Variants in NALCN observed in about 807,000 individuals in gnomAD.
The protein encoded by NALCN is sodium leak channel NALCN.
A neutral mutation model predicts 225.3 loss-of-function variants in NALCN; 111 were observed. The ratio of observed to expected loss-of-function variants is 0.49; its 90% CI spans 0.42 to 0.58. The LOEUF is 0.58. NALCN is among the 20% of genes least tolerant of loss of function. The pLI is 0.00. For missense variants in NALCN, 1,378 were observed against 2,202.4 expected (o/e 0.63, Z 7.49); for synonymous variants, 764 against 769.0 (o/e 0.99, Z 0.11).
chr13:101,342,190 A>C (rs558547156), intron 7 of NALCN, among the ~76,000 whole-genome samples: 17 of 152,076 alleles, frequency 1.1e-4, no homozygotes, highest in Non-Finnish European at 2.2e-4. Flanking sequence ...ATGGTTCATA[A>C]CTCTGCATGC....
intron 10 of NALCN, among the ~76,000 whole-genome samples, chr13:101,265,544 C>A (rs2042569176): frequency 6.6e-6 from 1 of 152,162 alleles, no homozygotes; most frequent in South Asian, 2.1e-4. Context: ...ACGGGGAGGG[C>A]TTCTCACGCA....
intron 6 of NALCN, among the ~76,000 whole-genome samples, chr13:101,369,702 TATTG>T (rs1385599887): frequency 4.6e-5 from 7 of 152,294 alleles, no homozygotes; most frequent in African/African-American, 1.7e-4. Flanking sequence ...TTCATCTCCA[TATTG>T]ATTGTCTCCA....
chr13:101,216,199 T>TC (rs1464064520), intron 13 of NALCN, among the ~76,000 whole-genome samples: 1 of 151,962 alleles, frequency 6.6e-6, no homozygotes, highest in Admixed American at 6.6e-5. Flanking sequence ...AAAATACAGC[T>TC]CCATGTACTC....
At chr13:101,312,170 G>T (rs1034688414) in intron 7 of NALCN, among the ~76,000 whole-genome samples, 10 of 152,184 alleles carry the variant, frequency 6.6e-5, no homozygotes, top group Admixed American at 2.6e-4. Context: ...AATATTCTCT[G>T]ATGGTAGTTT....
In NALCN at chr13:101,194,622, G is replaced by C. The variant is rs541828113; in HGVS notation, c.1627-2568C>G. 1.2e-4 allele frequency among the ~76,000 whole-genome samples: 18 copies of C among 152,320 alleles called. No individual in the cohort carries two copies. The South Asian group carries it at 3.7e-3, about 32-fold the overall frequency. Reference sequence around the variant, plus strand: ...GTTACTAAAGGTTTGATGCATTGGGGATTGAGTGGAGTAAGACATAGTTTC... The same window carrying C: ...GTTACTAAAGGTTTGATGCATTGGGCATTGAGTGGAGTAAGACATAGTTTC... On this transcript the variant is annotated intron_variant, in intron 13 of 43. Coordinates refer to ENST00000251127, the MANE Select transcript of NALCN (RefSeq NM_052867.4).
Position 101,346,087 on chromosome 13 carries a change from C to CTCTCTCTCTATA in NALCN, c.645-668_645-667insTATAGAGAGAGA. On this transcript the variant is annotated intron_variant, in intron 6 of 43. Transcript: ENST00000251127. Reference sequence around the variant, plus strand: ...TCTCTCTCTCTCTCTCTCTCTCTCTCTATATATATATATATATATATATAT... The same window carrying CTCTCTCTCTATA: ...TCTCTCTCTCTCTCTCTCTCTCTCTCTCTCTCTCTATATATATATATATATATATATATATAT... 3.8e-3 allele frequency among the ~76,000 whole-genome samples: 272 copies of CTCTCTCTCTATA among 70,924 alleles called. 6 individuals carry two copies. Among genetic ancestry groups the CTCTCTCTCTATA allele is most frequent in the East Asian group, 0.03 (72 of 2,370 alleles). The allele number at this position is 70,924 out of a possible 152,430, so 46.5% of individuals were successfully genotyped here.
intron 14 of NALCN, among the ~76,000 whole-genome samples, chr13:101,178,468 T>C (rs2039055346): frequency 6.6e-6 from 1 of 152,170 alleles, no homozygotes; most frequent in East Asian, 1.9e-4. Flanking sequence ...TATAAATACT[T>C]TTAAGAGCCA....
intron 13 of NALCN, among the ~76,000 whole-genome samples, chr13:101,197,039 C>G (rs1029097722): frequency 6.6e-6 from 1 of 152,002 alleles, no homozygotes. Context: ...ACTCTCAAGC[C>G]TCCTCAGCTG....
At chr13:101,167,475 G>A (rs2038493743) in intron 15 of NALCN, among the ~76,000 whole-genome samples, 2 of 152,100 alleles carry the variant, frequency 1.3e-5, no homozygotes, top group Non-Finnish European at 2.9e-5. Flanking sequence ...AGTGTTTCTG[G>A]ATATAATTCC....
At chr13:101,216,969 T>C (rs1006971667) in intron 13 of NALCN, among the ~76,000 whole-genome samples, 23 of 152,152 alleles carry the variant, frequency 1.5e-4, no homozygotes, top group African/African-American at 3.9e-4. Context: ...TAGAGGATAA[T>C]ATATTACTTA....
intron 6 of NALCN, among the ~76,000 whole-genome samples, chr13:101,360,524 T>A (rs1299847667): frequency 1.3e-5 from 2 of 152,102 alleles, no homozygotes; most frequent in African/African-American, 4.8e-5. Flanking sequence ...TGAGCCACCG[T>A]GCCCTGCCAG....
At chr13:101,235,778 TG>T (rs2041532180) in intron 12 of NALCN, among the ~76,000 whole-genome samples, 2 of 152,180 alleles carry the variant, frequency 1.3e-5, no homozygotes. Flanking sequence ...GCTTTTTGCC[TG>T]GGTTTGTAGG....
chr13:101,318,667 A>AT (rs1282674426), intron 7 of NALCN, among the ~76,000 whole-genome samples: 1 of 152,210 alleles, frequency 6.6e-6, no homozygotes, highest in Non-Finnish European at 1.5e-5. Context: ...AGAGGCTAGA[A>AT]TTATATGCAA....
At chr13:101,165,921 CT>C (rs1438268415) in intron 15 of NALCN, among the ~76,000 whole-genome samples, 2 of 152,224 alleles carry the variant, frequency 1.3e-5, no homozygotes, top group African/African-American at 2.4e-5. Context: ...TCCCTAGCCC[CT>C]GGCAACTCTC....
intron 13 of NALCN, among the ~76,000 whole-genome samples, chr13:101,219,929 GT>G (rs2040873501): frequency 6.6e-6 from 1 of 152,158 alleles, no homozygotes; most frequent in African/African-American, 2.4e-5. Flanking sequence ...TATCATGCCT[GT>G]TTGATAGACA....
intron 7 of NALCN, among the ~76,000 whole-genome samples, chr13:101,318,029 A>G (rs764558805): frequency 1.4e-4 from 21 of 152,152 alleles, no homozygotes; most frequent in Admixed American, 3.9e-4. Flanking sequence ...TACTTGCTCA[A>G]CTGGGTTTTA....
chr13:101,229,711 T>C lies in NALCN; in HGVS notation c.1435-127A>G, dbSNP rs554855029. On this transcript the variant is annotated intron_variant, in intron 12 of 43. Coordinates refer to ENST00000251127, the MANE Select transcript of NALCN (RefSeq NM_052867.4). ...AAAATCATACCTCTCTATTTGAATA[T>C]CTAGTGACTAAAATTAACAATAGAA... The C allele has an allele frequency of 1.6e-5, 12 of 750,258 alleles. No homozygotes were observed. The Admixed American group carries it at 1.9e-4, about 12-fold the overall frequency. The allele number at this position is 750,258 out of a possible 1,614,324, so 46.5% of individuals were successfully genotyped here.
chr13:101,238,011 G>A (rs1451479190), intron 11 of NALCN, 89 bp from the exon 12 acceptor site: 68 of 1,267,272 alleles, frequency 5.4e-5, no homozygotes, highest in Non-Finnish European at 6.8e-5. Flanking sequence ...ATGAATTTTT[G>A]CCACTATCAT....
intron 34 of NALCN, among the ~76,000 whole-genome samples, chr13:101,076,408 T>C (rs1346844140): frequency 6.6e-6 from 1 of 152,212 alleles, no homozygotes; most frequent in Non-Finnish European, 1.5e-5. Flanking sequence ...AGAGAGGTCC[T>C]CCCTGCTCAG....
Sources: allele counts gnomAD v4.1 joint callset (sites outside exome capture counted in the v4.1 genomes callset), GRCh38; gene constraint gnomAD v4.1.1; transcripts MANE v1.5; gene names NCBI Gene and HGNC (gene_info 2026-07-23, HGNC 2026-07-21).